The following SLC2A9 variants were observed in gnomAD, a reference collection of about 807,000 sequenced individuals.
SLC2A9 encodes solute carrier family 2, facilitated glucose transporter member 9.
Under a neutral mutation model 50.6 loss-of-function variants are expected in SLC2A9, and 39 were observed. The observed-to-expected ratio is 0.77, with a 90% CI of 0.60 to 1.01. The LOEUF (loss-of-function observed/expected upper bound fraction) is 1.01. Ranked by LOEUF, SLC2A9 falls within the 50% of genes least tolerant of loss-of-function variation. The pLI, the probability that SLC2A9 is intolerant of heterozygous loss-of-function variation, is 0.00. For missense variants in SLC2A9, 686 were observed against 677.6 expected, an observed-to-expected ratio of 1.01 and a Z score of -0.14; for synonymous variants, 324 against 276.9, an observed-to-expected ratio of 1.17 and a Z score of -1.69.
At chr4:9,859,005 T>C (rs966713037) in intron 10 of SLC2A9, among the ~76,000 whole-genome samples, 8 of 152,172 alleles carry the variant, frequency 5.3e-5, no homozygotes, top group African/African-American at 1.7e-4. Context: ...TTTTGGACTC[T>C]TGGACTTACA....
intron 2 of SLC2A9, among the ~76,000 whole-genome samples, chr4:10,015,821 G>T (rs1762519395): frequency 6.6e-6 from 1 of 152,220 alleles, no homozygotes. Context: ...GTGCTGTTTT[G>T]TTACAGCCAA....
At chr4:10,036,138 G>A (rs1393174868) in intron 1 of SLC2A9, 2 of 171,988 alleles carry the variant, frequency 1.2e-5, no homozygotes, top group East Asian at 1.7e-4. Flanking sequence ...AGCTGTCCAC[G>A]TCCTGTGTAT....
In SLC2A9 at chr4:9,783,098, G is replaced by T. The variant is rs771520336; in HGVS notation, n.386-3033C>A. ...CTGGGCTAACTCCTCACTCAACCCC[G>T]TCATCTATGCCTTCAACGCCGACTT... On this transcript the variant is annotated intron_variant and non_coding_transcript_variant, in intron 3 of 3. Coordinates refer to the SLC2A9 transcript ENST00000503803. 3 of 1,614,172 alleles carry T rather than the reference G, an allele frequency of 1.9e-6. No homozygotes were observed. In the Admixed American group the frequency reaches 5.0e-5, roughly 27 times the overall value.
chr4:9,779,827 A>C (rs1718097392), exon 4 of SLC2A9: 1 of 152,144 alleles, frequency 6.6e-6, no homozygotes, highest in Admixed American at 6.5e-5. Flanking sequence ...TACTTGTTAA[A>C]TATTTGCTGA....
intron 3 of SLC2A9, chr4:9,782,755 C>G: frequency 6.2e-7 from 1 of 1,614,022 alleles, no homozygotes; most frequent in Non-Finnish European, 8.5e-7. Flanking sequence ...CCATCATGAT[C>G]GTGACCTACA....
At chr4:9,931,920 C>CTCTCTCTCTCTCTCTCTCTCTCAA (rs1746014724) in intron 6 of SLC2A9, among the ~76,000 whole-genome samples, 2 of 16,806 alleles carry the variant, frequency 1.2e-4, no homozygotes, top group African/African-American at 8.7e-4. Context: ...ATGACTCTCT[C>CTCTCTCTCTCTCTCTCTCTCTCAA]TCTCTCTCTC....
chr4:9,771,287 G>A, exon 2 of SLC2A9: 1 of 387,534 alleles, frequency 2.6e-6, no homozygotes, highest in Non-Finnish European at 4.6e-6. Context: ...TGTGATGCAG[G>A]TCAATGGGAG....
chr4:9,975,732 C>A (rs940340395), intron 5 of SLC2A9, among the ~76,000 whole-genome samples: 2 of 152,192 alleles, frequency 1.3e-5, no homozygotes, highest in African/African-American at 4.8e-5. Context: ...TTTGACCCAG[C>A]AATCCCATTA....
chr4:9,985,572 G>A (rs772527021), intron 4 of SLC2A9, 97 bp downstream of exon 4: 15 of 1,521,430 alleles, frequency 9.9e-6, no homozygotes, highest in African/African-American at 2.7e-5. Flanking sequence ...TGCCAGCAGA[G>A]AGCCCCAGTC....
chr4:9,835,596 T>C (rs1726922849), intron 10 of SLC2A9, among the ~76,000 whole-genome samples: 1 of 152,248 alleles, frequency 6.6e-6, no homozygotes, highest in African/African-American at 2.4e-5. Context: ...TGTGTCAACA[T>C]CCAACAATTA....
intron 1 of SLC2A9, among the ~76,000 whole-genome samples, chr4:9,771,550 CATG>C (rs1316220777): frequency 6.6e-6 from 1 of 152,228 alleles, no homozygotes; most frequent in Non-Finnish European, 1.5e-5. Flanking sequence ...TCACTATTGT[CATG>C]ATATGTTCAT....
chr4:9,912,450 T>C (rs1261858388), intron 7 of SLC2A9, among the ~76,000 whole-genome samples: 1 of 152,162 alleles, frequency 6.6e-6, no homozygotes, highest in Admixed American at 6.5e-5. Context: ...GGAAAGAATT[T>C]GGGTCTTCTC....
chr4:9,964,986 T>C (rs6449175), intron 5 of SLC2A9, among the ~76,000 whole-genome samples: 29,795 of 152,140 alleles, frequency 0.2, 3,145 homozygotes, highest in African/African-American at 0.22. Flanking sequence ...AATAGAAATT[T>C]CATAACATCT....
At chr4:9,771,744 C>A (rs553652969) in intron 1 of SLC2A9, among the ~76,000 whole-genome samples, 1 of 152,156 alleles carries the variant, frequency 6.6e-6, no homozygotes, top group Non-Finnish European at 1.5e-5. Flanking sequence ...TGCAGAAATA[C>A]AGAGGGTGGC....
intron 3 of SLC2A9, among the ~76,000 whole-genome samples, chr4:9,802,152 C>T (rs960083858): frequency 1.3e-5 from 2 of 152,088 alleles, no homozygotes; most frequent in Non-Finnish European, 2.9e-5. Flanking sequence ...TACTCGGTAC[C>T]GAACCTTTTA....
At chr4:9,867,160 C>A (rs1182627865) in intron 10 of SLC2A9, among the ~76,000 whole-genome samples, 2 of 152,246 alleles carry the variant, frequency 1.3e-5, no homozygotes, top group Admixed American at 1.3e-4. Context: ...AGAAGTGAAT[C>A]ATTGTCATGT....
chr4:9,926,497 T>A (rs1744931798), intron 6 of SLC2A9, among the ~76,000 whole-genome samples: 1 of 151,514 alleles, frequency 6.6e-6, no homozygotes, highest in Admixed American at 6.6e-5. Context: ...TGTTCGATGT[T>A]GGCACACACA....
chr4:9,833,860 G>C (rs537832354), intron 11 of SLC2A9, among the ~76,000 whole-genome samples: 1 of 152,158 alleles, frequency 6.6e-6, no homozygotes, highest in Non-Finnish European at 1.5e-5. Context: ...CAGCACTGAG[G>C]GCAGCAGGGA....
At chr4:9,963,521 G>A (rs114865151) in intron 5 of SLC2A9, among the ~76,000 whole-genome samples, 197 of 152,292 alleles carry the variant, frequency 1.3e-3, no homozygotes, top group African/African-American at 4.5e-3. Context: ...GTGGACACGC[G>A]GATGACCACC....
Sources: allele counts gnomAD v4.1 joint callset (sites outside exome capture counted in the v4.1 genomes callset), GRCh38; gene constraint gnomAD v4.1.1; transcripts MANE v1.5; gene names NCBI Gene and HGNC (gene_info 2026-07-23, HGNC 2026-07-21).